Variants in PRR16 observed in about 807,000 individuals in gnomAD.
PRR16 encodes protein Largen.
A neutral mutation model predicts 18.2 loss-of-function variants in PRR16; 6 were observed. That is an observed-to-expected ratio of 0.33 (90% CI 0.18 to 0.65). The LOEUF is 0.65. PRR16 is among the 30% of genes least tolerant of loss of function. The probability of loss-of-function intolerance (pLI) is 0.74; values close to 1 mark genes in which losing one functional copy is unlikely to be tolerated. For missense variants in PRR16, 412 were observed against 376.6 expected (o/e 1.09, Z -0.78); for synonymous variants, 151 against 147.8 (o/e 1.02, Z -0.16).
chr5:120,770,926 A>ACACTCT, the PRR16 span, among the ~76,000 whole-genome samples: 9 of 131,362 alleles, frequency 6.9e-5, no homozygotes, highest in African/African-American at 3.0e-5. Context: ...TCATTGGAAC[A>ACACTCT]CTCTCTCTCT....
At chr5:120,764,049 A>C in the PRR16 span, among the ~76,000 whole-genome samples, 2 of 152,048 alleles carry the variant, frequency 1.3e-5, no homozygotes, top group Non-Finnish European at 2.9e-5. Flanking sequence ...GAGAACTTTT[A>C]TTTCTTTCTC....
At chr5:120,671,435 C>G (rs549782804) in intron 1 of PRR16, among the ~76,000 whole-genome samples, 12 of 152,170 alleles carry the variant, frequency 7.9e-5, no homozygotes, top group Admixed American at 1.3e-4. Context: ...ATCAACATTT[C>G]TAGTAATATT....
intron 1 of PRR16, among the ~76,000 whole-genome samples, chr5:120,644,143 T>C (rs1755515091): frequency 6.6e-6 from 1 of 152,130 alleles, no homozygotes; most frequent in Admixed American, 6.6e-5. Context: ...ATTGCTTCTC[T>C]AATACCTAGT....
the PRR16 span, among the ~76,000 whole-genome samples, chr5:120,792,043 C>G: frequency 6.6e-6 from 1 of 152,122 alleles, no homozygotes; most frequent in Non-Finnish European, 1.5e-5. Flanking sequence ...ATCCATGAAG[C>G]AATCCATGCT....
the PRR16 span, among the ~76,000 whole-genome samples, chr5:120,789,599 A>G: frequency 2.0e-5 from 3 of 152,094 alleles, no homozygotes; most frequent in African/African-American, 7.2e-5. Context: ...TGAAAGATCT[A>G]CCTCAATGGA....
intron 1 of PRR16, among the ~76,000 whole-genome samples, chr5:120,634,791 C>G (rs1489054176): frequency 1.3e-5 from 2 of 151,782 alleles, no homozygotes; most frequent in Non-Finnish European, 1.5e-5. Flanking sequence ...ATTGAAGCAA[C>G]AGCAACAACA....
At chr5:120,614,612 T>C (rs74401315) in intron 1 of PRR16, among the ~76,000 whole-genome samples, 1 of 152,318 alleles carries the variant, frequency 6.6e-6, no homozygotes, top group African/African-American at 2.4e-5. Context: ...CTGTGTCTAA[T>C]ATACATGAGA....
chr5:120,543,419 A>G lies in PRR16; in HGVS notation c.159+78774A>G, dbSNP rs555137996. On this transcript the variant is annotated intron_variant, in intron 1 of 1. Transcript: ENST00000407149. ...TTATGTCAAATTATATTATGGAAAC[A>G]CTTCTCATTTTAGTCACTTAGAAAT... 2.6e-5 allele frequency among the ~76,000 whole-genome samples: 4 copies of G among 152,266 alleles called. No homozygotes were observed. In the South Asian group the frequency reaches 6.2e-4, roughly 24 times the overall value.
chr5:120,708,921 T>C, the PRR16 span, among the ~76,000 whole-genome samples: 1 of 151,242 alleles, frequency 6.6e-6, no homozygotes, highest in East Asian at 1.9e-4. Context: ...CGGGAAATAA[T>C]TTTATTGTTT....
rs541110420 is a variant in PRR16 at position 120,516,514 on chromosome 5, C to T, written c.159+51869C>T. Reference sequence around the variant, plus strand: ...ACACACACACACACACACACACACACGCATATACATTAACAATTAGAAGGC... The same window carrying T: ...ACACACACACACACACACACACACATGCATATACATTAACAATTAGAAGGC... On this transcript the variant is annotated intron_variant, in intron 1 of 1. Transcript: ENST00000407149. 5.2e-3 allele frequency among the ~76,000 whole-genome samples: 787 copies of T among 150,536 alleles called. 3 individuals are homozygous for T. The highest frequency in any genetic ancestry group is 0.02 in the South Asian group (95 of 4,760).
At chr5:120,563,383 G>A (rs1011270952) in intron 1 of PRR16, among the ~76,000 whole-genome samples, 5 of 152,084 alleles carry the variant, frequency 3.3e-5, no homozygotes, top group Non-Finnish European at 5.9e-5. Context: ...TGGGAGTCAG[G>A]GATCAAAAAC....
At chr5:120,741,713 T>A in the PRR16 span, among the ~76,000 whole-genome samples, 2 of 152,188 alleles carry the variant, frequency 1.3e-5, no homozygotes, top group East Asian at 3.9e-4. Flanking sequence ...GCGATTCCCC[T>A]GTCTCAGCCT....
the PRR16 span, among the ~76,000 whole-genome samples, chr5:120,770,427 A>ATAGAT: frequency 1.3e-5 from 2 of 152,008 alleles, no homozygotes; most frequent in Non-Finnish European, 2.9e-5. Context: ...TCAACTTTAA[A>ATAGAT]TAGATTGAAG....
At chr5:120,610,500 G>C (rs950684444) in intron 1 of PRR16, among the ~76,000 whole-genome samples, 1 of 151,890 alleles carries the variant, frequency 6.6e-6, no homozygotes, top group African/African-American at 2.4e-5. Flanking sequence ...GGATTTTCCC[G>C]TGTTGTGGGA....
the PRR16 span, among the ~76,000 whole-genome samples, chr5:120,750,188 T>G: frequency 6.6e-6 from 1 of 152,102 alleles, no homozygotes; most frequent in Non-Finnish European, 1.5e-5. Flanking sequence ...AAGAGCTTCT[T>G]GAAAAAATAT....
At chr5:120,492,962 G>A (rs1187628304) in intron 1 of PRR16, among the ~76,000 whole-genome samples, 2 of 152,082 alleles carry the variant, frequency 1.3e-5, no homozygotes, top group African/African-American at 2.4e-5. Context: ...CTTGTTGGCC[G>A]ATGGACACTT....
At chr5:120,646,425 G>T (rs972135325) in intron 1 of PRR16, among the ~76,000 whole-genome samples, 1 of 151,862 alleles carries the variant, frequency 6.6e-6, no homozygotes, top group Non-Finnish European at 1.5e-5. Flanking sequence ...CAAGATGAGA[G>T]TATTCTAGGT....
chr5:120,544,403 G>C (rs1286228235), intron 1 of PRR16, among the ~76,000 whole-genome samples: 2 of 152,102 alleles, frequency 1.3e-5, no homozygotes, highest in African/African-American at 4.8e-5. Context: ...ATGCTAGTCT[G>C]TAATTTCTGT....
chr5:120,582,114 AC>A (rs1173004534), intron 1 of PRR16, among the ~76,000 whole-genome samples: 1 of 152,198 alleles, frequency 6.6e-6, no homozygotes, highest in East Asian at 1.9e-4. Flanking sequence ...AACACAGGAT[AC>A]TATGCAGCAA....
Sources: allele counts gnomAD v4.1 joint callset (sites outside exome capture counted in the v4.1 genomes callset), GRCh38; gene constraint gnomAD v4.1.1; transcripts MANE v1.5; gene names NCBI Gene and HGNC (gene_info 2026-07-23, HGNC 2026-07-21).